Variants in RIMS2 observed in about 807,000 individuals in gnomAD.
The protein encoded by RIMS2 is regulating synaptic membrane exocytosis 2, also known as regulating synaptic membrane exocytosis protein 2.
A neutral mutation model predicts 174.4 loss-of-function variants in RIMS2; 59 were observed. That is an observed-to-expected ratio of 0.34 (90% CI 0.27 to 0.42). The LOEUF (loss-of-function observed/expected upper bound fraction) is 0.42. Among genes scored for constraint, RIMS2 ranks in the 10% least tolerant of loss-of-function variants. The probability of loss-of-function intolerance (pLI) is 1.00; values close to 1 mark genes in which losing one functional copy is unlikely to be tolerated. For missense variants in RIMS2, 1,620 were observed against 1,666.3 expected (o/e 0.97, Z 0.48); for synonymous variants, 606 against 572.5 (o/e 1.06, Z -0.84).
chr8:103,578,331 A>C (rs1336141237), intron 1 of RIMS2, among the ~76,000 whole-genome samples: 8 of 152,120 alleles, frequency 5.3e-5, no homozygotes, highest in African/African-American at 1.9e-4. Flanking sequence ...GGAGTTCAAG[A>C]TCAGACAGCC....
chr8:103,878,805 G>A (rs867043880), intron 3 of RIMS2, among the ~76,000 whole-genome samples: 5 of 151,320 alleles, frequency 3.3e-5, no homozygotes, highest in Non-Finnish European at 4.4e-5. Flanking sequence ...AGATGTTTGA[G>A]TATCTAAGAA....
chr8:104,030,535 T>A (rs1320411854), intron 19 of RIMS2, among the ~76,000 whole-genome samples: 7 of 152,180 alleles, frequency 4.6e-5, no homozygotes, highest in Admixed American at 4.6e-4. Context: ...CCACTTCCCA[T>A]CTCCATTACT....
intron 1 of RIMS2, among the ~76,000 whole-genome samples, chr8:103,507,136 A>G (rs374686188): frequency 9.1e-4 from 138 of 152,198 alleles, no homozygotes; most frequent in African/African-American, 3.2e-3. Context: ...TGATCTTCAC[A>G]TCGCCCCTCA....
At chr8:103,913,339 G>T (rs2076090031) in intron 6 of RIMS2, among the ~76,000 whole-genome samples, 1 of 151,994 alleles carries the variant, frequency 6.6e-6, no homozygotes, top group Non-Finnish European at 1.5e-5. Context: ...TACTGAGGAG[G>T]CTGAGGCAGG....
chr8:104,019,901 G>A (rs10101038), intron 19 of RIMS2, among the ~76,000 whole-genome samples: 6,854 of 152,072 alleles, frequency 0.045, 454 homozygotes, highest in African/African-American at 0.15. Context: ...TTTTAAGGTA[G>A]CATTAGTTTG....
At chr8:104,203,394 T>C (rs951595944) in intron 19 of RIMS2, among the ~76,000 whole-genome samples, 3 of 151,268 alleles carry the variant, frequency 2.0e-5, no homozygotes, top group Admixed American at 2.0e-4. Context: ...GATCTCTAAG[T>C]GAAGACACTA....
Position 103,988,553 on chromosome 8 carries a change from G to C in RIMS2, c.2928-752G>C, listed in dbSNP as rs762423246. Among the ~76,000 whole-genome samples, 3 of 152,098 alleles carry C rather than the reference G, an allele frequency of 2.0e-5. No homozygotes were observed. The East Asian group carries it at 5.8e-4, about 29-fold the overall frequency. On this transcript the variant is annotated intron_variant, in intron 16 of 23. Transcript: ENST00000504942. ...CTGCTCACTGCAGCCTCCACCTCCC[G>C]GGTTCAAGCGATTCTTCTGCCTTGG...
intron 19 of RIMS2, among the ~76,000 whole-genome samples, chr8:104,029,880 G>A (rs1010983801): frequency 6.6e-6 from 1 of 152,172 alleles, no homozygotes; most frequent in Non-Finnish European, 1.5e-5. Flanking sequence ...ATAACAAAAA[G>A]TGTAGGTAAT....
chr8:103,569,950 G>A (rs913517157), intron 1 of RIMS2, among the ~76,000 whole-genome samples: 1 of 151,996 alleles, frequency 6.6e-6, no homozygotes, highest in African/African-American at 2.4e-5. Context: ...TTTTAAACAT[G>A]CAATTGTTTT....
At chr8:103,879,693 C>A (rs999164179) in intron 3 of RIMS2, among the ~76,000 whole-genome samples, 1 of 151,498 alleles carries the variant, frequency 6.6e-6, no homozygotes, top group African/African-American at 2.4e-5. Context: ...TATTCCTAGA[C>A]CCTCATTTAA....
chr8:103,521,853 A>C (rs895636587), intron 1 of RIMS2, among the ~76,000 whole-genome samples: 19 of 151,882 alleles, frequency 1.3e-4, no homozygotes, highest in Admixed American at 5.3e-4. Flanking sequence ...TAAAAAAAAA[A>C]AACAAAAAAC....
In RIMS2 at chr8:103,951,443, G is replaced by T. The variant is rs371056281; in HGVS notation, c.2701+8517G>T. ...TCTCATTGGGACTGCTTGGAAGTGG[G>T]TGCAGCCTAAGGTGGGCAAGCCAAA... On this transcript the variant is annotated intron_variant, in intron 14 of 23. Coordinates refer to ENST00000504942, the Ensembl canonical transcript of RIMS2. 1.1e-4 allele frequency among the ~76,000 whole-genome samples: 16 copies of T among 152,330 alleles called. No homozygotes were observed. In the East Asian group the frequency reaches 2.5e-3, roughly 24 times the overall value.
chr8:103,730,250 C>T (rs2097574588), intron 2 of RIMS2, among the ~76,000 whole-genome samples: 1 of 151,636 alleles, frequency 6.6e-6, no homozygotes, highest in Non-Finnish European at 1.5e-5. Context: ...TTTCTGGGTG[C>T]TCCAGTGTTG....
At chr8:104,226,001 C>G (rs547984154) in intron 19 of RIMS2, among the ~76,000 whole-genome samples, 1 of 152,268 alleles carries the variant, frequency 6.6e-6, no homozygotes, top group Non-Finnish European at 1.5e-5. Flanking sequence ...AGTTAGAAAT[C>G]ATTGGCCTAA....
chr8:103,885,768 G>A (rs1216839782), exon 4 of RIMS2: 8 of 1,612,848 alleles, frequency 5.0e-6, no homozygotes, highest in South Asian at 1.1e-5. Context: ...AGGATGGATC[G>A]ACCATCAAGG....
At chr8:103,918,077 G>C (rs1178372900) in intron 8 of RIMS2, among the ~76,000 whole-genome samples, 1 of 152,116 alleles carries the variant, frequency 6.6e-6, no homozygotes, top group Non-Finnish European at 1.5e-5. Flanking sequence ...ATTTAGAATA[G>C]CAGGTAAAAC....
chr8:104,147,135 A>C (rs2098647083), intron 19 of RIMS2, among the ~76,000 whole-genome samples: 1 of 152,184 alleles, frequency 6.6e-6, no homozygotes, highest in Admixed American at 6.5e-5. Context: ...AAATAAAACA[A>C]ACTTGAAAAT....
At chr8:103,978,781 A>T (rs1429439950) in intron 16 of RIMS2, among the ~76,000 whole-genome samples, 2 of 152,208 alleles carry the variant, frequency 1.3e-5, no homozygotes, top group South Asian at 2.1e-4. Context: ...AGAAATCAAT[A>T]ATCAGACCCC....
chr8:103,770,634 C>A (rs2098241549), intron 3 of RIMS2, among the ~76,000 whole-genome samples: 1 of 151,982 alleles, frequency 6.6e-6, no homozygotes, highest in Admixed American at 6.6e-5. Context: ...TTTGCCAATC[C>A]CTGCCCTAGA....
Sources: allele counts gnomAD v4.1 joint callset (sites outside exome capture counted in the v4.1 genomes callset), GRCh38; gene constraint gnomAD v4.1.1; transcripts MANE v1.5; gene names NCBI Gene and HGNC (gene_info 2026-07-23, HGNC 2026-07-21).